Variants in BACH2 observed in about 807,000 individuals in gnomAD.
The protein encoded by BACH2 is transcription regulator protein BACH2.
BACH2 carries 5 observed loss-of-function variants against 61.8 expected under a neutral mutation model. That is an observed-to-expected ratio of 0.08 (90% CI 0.04 to 0.17). The LOEUF (loss-of-function observed/expected upper bound fraction) is 0.17. Among genes scored for constraint, BACH2 ranks in the 10% least tolerant of loss-of-function variants. The probability of loss-of-function intolerance (pLI) is 1.00; values close to 1 mark genes in which losing one functional copy is unlikely to be tolerated. For synonymous variants in BACH2, 446 were observed against 440.1 expected (o/e 1.01, Z -0.17); for missense variants, 824 against 1,091.1 (o/e 0.76, Z 3.45).
At position 89,927,115 on chromosome 6, in the gene BACH2, A is replaced by G. The variant is rs1332328351; in HGVS notation, c.*5293T>C. 6.5e-6 allele frequency: 1 copy of G among 152,786 alleles called. No individual in the cohort carries two copies. Among genetic ancestry groups the G allele is most frequent in the Non-Finnish European group, 1.5e-5 (1 of 68,028 alleles). The allele number at this position is 152,786 out of a possible 1,614,324, so 9.5% of individuals were successfully genotyped here. On this transcript the variant is annotated 3_prime_UTR_variant, in exon 9 of 9. Coordinates refer to ENST00000257749, the MANE Select transcript of BACH2 (RefSeq NM_021813.4). Reference sequence around the variant, plus strand: ...ACTTGCATCAGACTGGTTCTGGAACAAATTGTCAAATTGTCACAGGCTCTC... The same window carrying G: ...ACTTGCATCAGACTGGTTCTGGAACGAATTGTCAAATTGTCACAGGCTCTC...
At chr6:90,235,198 T>A (rs1243309806) in intron 3 of BACH2, among the ~76,000 whole-genome samples, 1 of 152,184 alleles carries the variant, frequency 6.6e-6, no homozygotes, top group Non-Finnish European at 1.5e-5. Flanking sequence ...ACACAAGAAA[T>A]GCTGGTTGCA....
intron 3 of BACH2, among the ~76,000 whole-genome samples, chr6:90,252,294 T>A (rs892885135): frequency 5.3e-5 from 8 of 152,092 alleles, no homozygotes; most frequent in Admixed American, 4.6e-4. Flanking sequence ...CCTGGGCACA[T>A]GGGAAGGTCT....
intron 1 of BACH2, among the ~76,000 whole-genome samples, chr6:90,296,162 C>G (rs1582578613): frequency 6.6e-6 from 1 of 152,012 alleles, no homozygotes; most frequent in Admixed American, 6.6e-5. Flanking sequence ...TCTGCTCCTC[C>G]TCCCTCTGCT....
intron 6 of BACH2, among the ~76,000 whole-genome samples, chr6:89,985,369 CG>C (rs1776183823): frequency 6.6e-6 from 1 of 152,096 alleles, no homozygotes; most frequent in African/African-American, 2.4e-5. Flanking sequence ...GGGGCCCTGG[CG>C]GCAGCTTCCA....
intron 5 of BACH2, among the ~76,000 whole-genome samples, chr6:90,033,545 C>T (rs981951856): frequency 1.3e-5 from 2 of 152,042 alleles, no homozygotes; most frequent in Non-Finnish European, 2.9e-5. Flanking sequence ...CATGATCTTC[C>T]TGGGAAAATG....
At chr6:90,069,142 G>A (rs1274372125) in intron 5 of BACH2, among the ~76,000 whole-genome samples, 1 of 152,134 alleles carries the variant, frequency 6.6e-6, no homozygotes, top group African/African-American at 2.4e-5. Context: ...GACTAGGATG[G>A]GAGGAAGCCT....
intron 5 of BACH2, among the ~76,000 whole-genome samples, chr6:90,021,159 C>G (rs1778350209): frequency 6.6e-6 from 1 of 152,126 alleles, no homozygotes; most frequent in Admixed American, 6.5e-5. Flanking sequence ...CAGACCACAA[C>G]TCTTATTACT....
At position 90,236,933 on chromosome 6, in the gene BACH2, A is replaced by AT. The variant is rs575167950; in HGVS notation, c.-275+15579dup. On this transcript the variant is annotated intron_variant, in intron 3 of 8. Coordinates refer to ENST00000257749, the MANE Select transcript of BACH2 (RefSeq NM_021813.4). ...AGGACTCAGGAAGGCCAATGTTCTT[A>AT]TTTTTTTTTTGAGAGAGTCTCTCTC... Among the ~76,000 whole-genome samples the AT allele has an allele frequency of 8.9e-4, 133 of 149,514 alleles. 1 individual carries two copies. Among genetic ancestry groups the AT allele is most frequent in the African/African-American group, 2.2e-3 (90 of 40,854 alleles).
intron 5 of BACH2, among the ~76,000 whole-genome samples, chr6:90,075,514 A>C (rs529093315): frequency 6.6e-6 from 1 of 151,612 alleles, no homozygotes; most frequent in African/African-American, 2.4e-5. Context: ...TTACTATTTT[A>C]TGATTGGATG....
Position 89,951,302 on chromosome 6 carries a change from C to T in BACH2, c.804G>A (p.Pro268=), listed in dbSNP as rs748264018. The change falls in exon 7 of 9, where the codon CCG becomes CCA. Residue 268 remains proline (P), a synonymous_variant. Transcript: ENST00000257749. The surrounding 1 kb of genome is among the most constrained non-coding windows in gnomAD (Gnocchi z 6.4). ...REDNSSNSLK[P]GLARGQIKSE... ...TTTTAATCTGCCCCCTGGCAAGCCC[C>T]GGCTTGAGGCTGTTGCTAGAGTTAT... 15 of 1,614,084 alleles carry T rather than the reference C, an allele frequency of 9.3e-6. No individual in the cohort carries two copies. Among genetic ancestry groups the T allele is most frequent in the Middle Eastern group, 1.6e-4 (1 of 6,084 alleles).
rs1435694315 is a variant in BACH2 at position 89,951,885 on chromosome 6, G to A, written c.244-23C>T. The stretch of plus-strand genomic sequence containing the variant: ...GACCTGCAAAACAAACAGGGAAATC[G>A]CCAACATTACCATCAGCACTGCTAT... On this transcript the variant is annotated intron_variant, in intron 6 of 8. Coordinates refer to ENST00000257749, the MANE Select transcript of BACH2 (RefSeq NM_021813.4). This position sits in a 1 kb window ranked among gnomAD's most constrained non-coding sequence, Gnocchi z 6.4. 1.3e-6 allele frequency: 2 copies of A among 1,599,798 alleles called. No homozygotes were observed. The highest frequency in any genetic ancestry group is 1.3e-5 in the African/African-American group (1 of 74,874).
chr6:90,103,021 ATATATATATT>A (rs1782730068), intron 4 of BACH2, among the ~76,000 whole-genome samples: 1 of 32,192 alleles, frequency 3.1e-5, no homozygotes, highest in South Asian at 1.3e-3. Context: ...ATATATATAT[ATATATATATT>A]TTTTTTTTTT....
chr6:90,054,726 T>C (rs1397275954), intron 5 of BACH2, among the ~76,000 whole-genome samples: 1 of 152,114 alleles, frequency 6.6e-6, no homozygotes, highest in African/African-American at 2.4e-5. Context: ...CACCCCCCAG[T>C]AGAGGCGGGC....
At chr6:90,148,196 T>C (rs759463651) in intron 4 of BACH2, among the ~76,000 whole-genome samples, 19 of 152,166 alleles carry the variant, frequency 1.2e-4, no homozygotes, top group Non-Finnish European at 2.9e-5. Flanking sequence ...TTTAAAAACA[T>C]AGGAGACTTG....
At chr6:89,983,316 G>T (rs1446141180) in intron 6 of BACH2, among the ~76,000 whole-genome samples, 1 of 152,142 alleles carries the variant, frequency 6.6e-6, no homozygotes, top group African/African-American at 2.4e-5. Context: ...CATGACACTT[G>T]GAACTTGTAC....
At chr6:89,945,360 G>C (rs1380750196) in intron 7 of BACH2, among the ~76,000 whole-genome samples, 1 of 152,140 alleles carries the variant, frequency 6.6e-6, no homozygotes, top group Non-Finnish European at 1.5e-5. Flanking sequence ...AAGCAACAAA[G>C]TACTAATACA....
intron 3 of BACH2, among the ~76,000 whole-genome samples, chr6:90,228,306 AGCT>A: frequency 6.6e-6 from 1 of 152,360 alleles, no homozygotes; most frequent in South Asian, 2.1e-4. Context: ...CAGGCACATC[AGCT>A]GCTGTCTCCC....
At chr6:89,953,084 G>C (rs371666859) in intron 6 of BACH2, 5 of 152,222 alleles carry the variant, frequency 3.3e-5, no homozygotes, top group African/African-American at 9.6e-5. Context: ...TTAGCGGGGG[G>C]AGTGAGTGCA....
intron 5 of BACH2, among the ~76,000 whole-genome samples, chr6:90,084,502 C>T (rs1781847645): frequency 6.6e-6 from 1 of 151,158 alleles, no homozygotes; most frequent in African/African-American, 2.4e-5. Flanking sequence ...GACTTGCTGA[C>T]CTGAATTTTC....
Sources: allele counts gnomAD v4.1 joint callset (sites outside exome capture counted in the v4.1 genomes callset), GRCh38; gene constraint gnomAD v4.1.1; non-coding constraint Gnocchi (gnomAD v3.1); transcripts MANE v1.5; gene names NCBI Gene and HGNC (gene_info 2026-07-23, HGNC 2026-07-21).